Variants in MSH6 observed in about 807,000 individuals in gnomAD.
MSH6 encodes mutS homolog 6.
In MSH6, 85 loss-of-function variants were observed where a neutral mutation model predicts 119.1. The ratio of observed to expected loss-of-function variants is 0.71; its 90% CI spans 0.60 to 0.85. The LOEUF (loss-of-function observed/expected upper bound fraction) is 0.85, where lower values mean the gene tolerates loss of function less well. MSH6 is among the 40% of genes least tolerant of loss of function. MSH6 has a pLI of 0.00. For missense variants in MSH6, 2,163 were observed against 1,655.3 expected, an observed-to-expected ratio of 1.31 and a Z score of -5.32; for synonymous variants, 830 against 586.9, an observed-to-expected ratio of 1.41 and a Z score of -5.99.
intron 4 of MSH6, among the ~76,000 whole-genome samples, chr2:47,803,066 G>A (rs868506306): frequency 2.6e-5 from 4 of 152,010 alleles, no homozygotes; most frequent in East Asian, 1.9e-4. Flanking sequence ...CATATGCCAC[G>A]TGTATTAGGC....
At position 47,783,147 on chromosome 2, in the gene MSH6, A is replaced by C. The variant is rs1273168789; in HGVS notation, c.-87A>C. 3 of 1,571,474 alleles carry C rather than the reference A, an allele frequency of 1.9e-6. No homozygotes were observed. The highest frequency in any genetic ancestry group is 1.7e-5 in the Admixed American group (1 of 57,356). On this transcript the variant is annotated 5_prime_UTR_variant, in exon 1 of 10. Transcript: ENST00000234420. ...TCCGGCGGAGCGCGCCTCCCCCCAG[A>C]TTTCCCGCCAGCAGGAGCCGCGCGG... is the stretch of plus-strand genomic sequence containing the variant.
At chr2:47,805,093 T>C in intron 6 of MSH6, 66 bp downstream of exon 6, 1 of 1,072,638 alleles carries the variant, frequency 9.3e-7, no homozygotes, top group Non-Finnish European at 1.5e-6. Flanking sequence ...GATATTTGCT[T>C]CTTGTATATG....
chr2:47,803,827 T>C, intron 5 of MSH6, 142 bp downstream of exon 5: 1 of 871,854 alleles, frequency 1.1e-6, no homozygotes, highest in Non-Finnish European at 1.8e-6. Flanking sequence ...ACTCCCTGTG[T>C]TATAAAATTG....
In MSH6 at chr2:47,786,337, AT is replaced by A. The variant is rs111440524; in HGVS notation, c.260+2858del. Among the ~76,000 whole-genome samples, 519 of 143,688 alleles carry A rather than the reference AT, an allele frequency of 3.6e-3. 3 individuals are homozygous for A. The highest frequency in any genetic ancestry group is 3.6e-3 in the Middle Eastern group (1 of 274). 94.3% of individuals were successfully genotyped at this position (143,688 alleles called of 152,430 possible). On this transcript the variant is annotated intron_variant, in intron 1 of 9. Transcript: ENST00000234420. Reference sequence around the variant, plus strand: ...TTAAGCCTTAAAACATGTTGAGCGTATTTTTTTTTTTTTTGAGACGGAATTT... The same window carrying A: ...TTAAGCCTTAAAACATGTTGAGCGTATTTTTTTTTTTTTGAGACGGAATTT...
intron 6 of MSH6, 143 bp downstream of exon 6, chr2:47,805,170 A>T (rs541574802): frequency 9.5e-5 from 63 of 665,996 alleles, no homozygotes; most frequent in Non-Finnish European, 1.6e-4. Flanking sequence ...TAAGAACTGC[A>T]TAGTCTCTCT....
At chr2:47,795,394 GTCAAGTGT>G (rs201573535) in intron 2 of MSH6, among the ~76,000 whole-genome samples, 8,239 of 150,682 alleles carry the variant, frequency 0.055, 246 homozygotes, top group Non-Finnish European at 0.069. Flanking sequence ...TGTAGGTTGA[GTCAAGTGT>G]CCAGCCAACA....
At chr2:47,806,707 C>T (rs1323698109) in intron 9 of MSH6, 56 bp downstream of exon 9, 1 of 1,557,422 alleles carries the variant, frequency 6.4e-7, no homozygotes, top group Non-Finnish European at 8.8e-7. Flanking sequence ...TTCAAAGAAA[C>T]AGTAAAAGGG....
At chr2:47,796,416 TA>T (rs61536384) in intron 3 of MSH6, among the ~76,000 whole-genome samples, 1 of 152,084 alleles carries the variant, frequency 6.6e-6, no homozygotes, top group Non-Finnish European at 1.5e-5. Flanking sequence ...ATGCTTTTTA[TA>T]AAAAAACTGA....
intron 1 of MSH6, among the ~76,000 whole-genome samples, chr2:47,788,507 C>A (rs1668485027): frequency 6.7e-6 from 1 of 149,568 alleles, no homozygotes; most frequent in Non-Finnish European, 1.5e-5. Flanking sequence ...CCCGCCTTGG[C>A]CTTTCAAAGT....
In MSH6 at chr2:47,801,045, C is replaced by G. The variant is rs63750287; in HGVS notation, c.3062C>G (p.Ala1021Gly). 17 of 1,595,222 alleles carry G rather than the reference C, an allele frequency of 1.1e-5. No homozygotes were observed. Among genetic ancestry groups the G allele is most frequent in the Non-Finnish European group, 1.5e-5 (17 of 1,171,122 alleles). ...IEKKLANLINAEERRDVSLKD... is the reference protein window; with the variant it reads ...IEKKLANLINGEERRDVSLKD... ...AAGAAGTTGGCTAATCTCATAAATG[C>G]TGAAGAACGGAGGGATGTATCATTG... is the stretch of plus-strand genomic sequence containing the variant. The change falls in exon 4 of 10, where the codon GCT becomes GGT. Residue 1021 changes from alanine (A) to glycine (G), a missense_variant. Coordinates refer to ENST00000234420, the MANE Select transcript of MSH6 (RefSeq NM_000179.3).
Position 47,799,816 on chromosome 2 carries a change from T to G in MSH6, c.1833T>G (p.Ser611Arg), listed in dbSNP as rs1553413220. ...LSKETKTILK[S>R]SLSCSLQEGL... is the part of the protein sequence containing the mutation. ...AGGAAACTAAAACAATTCTAAAGAG[T>G]TCATTGTCCTGTTCTCTTCAGGAAG... is the stretch of plus-strand genomic sequence containing the variant. Residue 611 changes from serine to arginine, a missense_variant, in exon 4 of 10, where the codon AGT (serine) becomes AGG (arginine). Transcript: ENST00000234420. 3 of 1,614,008 alleles carry G rather than the reference T, an allele frequency of 1.9e-6. No individual in the cohort carries two copies. Among genetic ancestry groups the G allele is most frequent in the Non-Finnish European group, 2.5e-6 (3 of 1,179,986 alleles).
chr2:47,804,587 T>G (rs965137158), intron 5 of MSH6, among the ~76,000 whole-genome samples: 3 of 151,470 alleles, frequency 2.0e-5, no homozygotes, highest in Non-Finnish European at 2.9e-5. Context: ...ATTCACTTGA[T>G]TGGAATTGAT....
Position 47,800,737 on chromosome 2 carries a change from T to C in MSH6, c.2754T>C (p.His918=), listed in dbSNP as rs1057521383. The change falls in exon 4 of 10, where the codon CAT becomes CAC. Residue 918 remains histidine, a synonymous_variant. Transcript: ENST00000234420. ...ACCGATGGGATACAGCCTTTGACCATGAAAAGGCTCGAAAGACTGGACTTA... is the reference window on the plus strand; with the variant it reads ...ACCGATGGGATACAGCCTTTGACCACGAAAAGGCTCGAAAGACTGGACTTA... ...ELNRWDTAFD[H]EKARKTGLIT... 8.7e-6 allele frequency: 14 copies of C among 1,614,162 alleles called. No homozygotes were observed. The highest frequency in any genetic ancestry group is 3.3e-5 in the Admixed American group (2 of 60,028).
In MSH6 at chr2:47,806,438, TTTTC is replaced by T. The variant is rs876661171; in HGVS notation, c.3802-7_3802-4del. 1.2e-6 allele frequency: 2 copies of T among 1,614,036 alleles called. No homozygotes were observed. The highest frequency in any genetic ancestry group is 2.2e-5 in the East Asian group (1 of 44,864). On this transcript the variant is annotated splice_polypyrimidine_tract_variant and intron_variant, in intron 8 of 9. Transcript: ENST00000234420. ...TTGCTAGCACATGTATCGCTAATAT[TTTTC>T]TTTCTTAAGGCATGCATGGTAGAAA... is the stretch of plus-strand genomic sequence containing the variant.
rs1361745058 is a variant in MSH6, at chr2:47,799,984, T to C, written c.2001T>C (p.Asp667=). The change falls in exon 4 of 10, where the codon GAT becomes GAC. Residue 667 remains aspartate (D), a synonymous_variant. Coordinates refer to ENST00000234420, the MANE Select transcript of MSH6 (RefSeq NM_000179.3). ...TTAAAGGTATGACTTCAGAGTCTGA[T>C]TCCATTGGGTTGACACCAGGAGAGA... ...QVLKGMTSES[D]SIGLTPGEKS... 3 of 1,614,140 alleles carry C rather than the reference T, an allele frequency of 1.9e-6. No individual in the cohort carries two copies. Among genetic ancestry groups the C allele is most frequent in the Non-Finnish European group, 2.5e-6 (3 of 1,180,020 alleles).
At chr2:47,801,361 G>GTTTTTTTTTTTCTTTTT (rs1669577708) in intron 4 of MSH6, 1 of 84,402 alleles carries the variant, frequency 1.2e-5, no homozygotes, top group Non-Finnish European at 2.0e-5. Flanking sequence ...CCTTTCTTCA[G>GTTTTTTTTTTTCTTTTT]TTTTTTTTTT....
At chr2:47,795,454 A>C (rs984514698) in intron 2 of MSH6, among the ~76,000 whole-genome samples, 1 of 130,456 alleles carries the variant, frequency 7.7e-6, no homozygotes, top group African/African-American at 2.6e-5. Context: ...GTGTGTATAC[A>C]TATATACATT....
chr2:47,791,672 TTTC>T (rs1269784704), intron 2 of MSH6, among the ~76,000 whole-genome samples: 63 of 148,854 alleles, frequency 4.2e-4, no homozygotes, highest in African/African-American at 1.5e-3. Context: ...GTTCTCTTTC[TTTC>T]TTTTTTTTTT....
In MSH6 at chr2:47,799,218, A is replaced by T. The variant is rs587781508; in HGVS notation, c.1235A>T (p.Lys412Met). 6.2e-7 allele frequency: 1 copy of T among 1,614,156 alleles called. No homozygotes were observed. Residue 412 changes from lysine to methionine, a missense_variant, in exon 4 of 10, where the codon AAG (lysine) becomes ATG (methionine). Transcript: ENST00000234420. ...FLNSCTPGMRKWWQIKSQNFD... is the reference protein window; with the variant it reads ...FLNSCTPGMRMWWQIKSQNFD... ...AATTCTTGTACTCCTGGGATGAGGA[A>T]GTGGTGGCAGATTAAGTCTCAGAAC...
Sources: allele counts gnomAD v4.1 joint callset (sites outside exome capture counted in the v4.1 genomes callset), GRCh38; gene constraint gnomAD v4.1.1; transcripts MANE v1.5; gene names NCBI Gene and HGNC (gene_info 2026-07-23, HGNC 2026-07-21).